Variants in DNAH9 observed in about 807,000 individuals in gnomAD.
DNAH9 encodes DNAH9 variant protein.
In DNAH9, 345 loss-of-function variants were observed where a neutral mutation model predicts 471.6. The ratio of observed to expected loss-of-function variants is 0.73; its 90% CI spans 0.67 to 0.80. The LOEUF (loss-of-function observed/expected upper bound fraction) is 0.80, where lower values mean the gene tolerates loss of function less well. DNAH9 is among the 30% of genes least tolerant of loss of function. The probability of loss-of-function intolerance (pLI) is 0.00; values close to 1 mark genes in which losing one functional copy is unlikely to be tolerated. For missense variants in DNAH9, 5,407 were observed against 5,609.2 expected (o/e 0.96, Z 1.15); for synonymous variants, 2,093 against 2,123.6 (o/e 0.99, Z 0.40).
At chr17:11,851,094 T>TTTGTTG (rs139118005) in intron 49 of DNAH9, among the ~76,000 whole-genome samples, 7,786 of 147,994 alleles carry the variant, frequency 0.053, 577 homozygotes, top group East Asian at 0.39. Flanking sequence ...TTGAGGTTGT[T>TTTGTTG]TTGTTGTTGT....
In DNAH9 at chr17:11,744,993, T is replaced by C. The variant is rs763880771; in HGVS notation, c.6308T>C (p.Val2103Ala). 2 of 1,613,932 alleles carry C rather than the reference T, an allele frequency of 1.2e-6. No individual in the cohort carries two copies. Among genetic ancestry groups the C allele is most frequent in the Non-Finnish European group, 1.7e-6 (2 of 1,179,944 alleles). ...GGGGACCTCTTTCCCGCCCTGGATG[T>C]CCCCCGGAGGAGAGACCCCAACTTC... ...LIGDLFPALD[V>A]PRRRDPNFEA... Residue 2103 changes from valine to alanine, a missense_variant, in exon 31 of 69, where the codon GTC becomes GCC. Coordinates refer to ENST00000262442, the MANE Select transcript of DNAH9 (RefSeq NM_001372.4).
intron 36 of DNAH9, among the ~76,000 whole-genome samples, chr17:11,764,437 A>G (rs1356677243): frequency 2.0e-5 from 3 of 152,232 alleles, no homozygotes. Flanking sequence ...TTGTTACTAT[A>G]GGAACTTTCC....
chr17:11,866,505 C>G (rs1221866380), intron 50 of DNAH9, among the ~76,000 whole-genome samples: 1 of 151,436 alleles, frequency 6.6e-6, no homozygotes, highest in African/African-American at 2.4e-5. Flanking sequence ...TGCCCGTTCT[C>G]AGATCTCCAG....
rs564822717 is a variant in DNAH9 at position 11,676,950 on chromosome 17, A to G, written c.3354-2807A>G. 2.0e-5 allele frequency among the ~76,000 whole-genome samples: 3 copies of G among 152,074 alleles called. No individual in the cohort carries two copies. The East Asian group carries it at 5.8e-4, about 29-fold the overall frequency. ...AATTTTTCAAATGTGAGACTTTTCT[A>G]GTTATAGTTTTTTATTAATTTCCAA... is the stretch of plus-strand genomic sequence containing the variant. On this transcript the variant is annotated intron_variant, in intron 17 of 68. Transcript: ENST00000262442.
In DNAH9 at chr17:11,756,669, T is replaced by C; in HGVS notation, c.6840T>C (p.Ser2280=). The change falls in exon 34 of 69, where the codon TCT becomes TCC. Residue 2280 remains serine, a synonymous_variant. Transcript: ENST00000262442. ...HLRTATPATV[S]RAGILYINPA... ...GCACAGCCACTCCAGCAACTGTCTC[T>C]AGAGCAGGTACGGCCCAAGAAGGGA... 1 of 1,600,978 alleles carries C rather than the reference T, an allele frequency of 6.2e-7. No homozygotes were observed. The highest frequency in any genetic ancestry group is 8.6e-7 in the Non-Finnish European group (1 of 1,168,080).
chr17:11,852,830 A>G (rs1175298087), intron 49 of DNAH9, among the ~76,000 whole-genome samples: 1,861 of 119,414 alleles, frequency 0.016, 131 homozygotes, highest in African/African-American at 0.068. Flanking sequence ...ATATATATAT[A>G]TATATATATA....
chr17:11,939,170 GCATACTTCGAGAAAGCTGCT>G (rs1974813774), intron 66 of DNAH9, among the ~76,000 whole-genome samples: 2 of 152,096 alleles, frequency 1.3e-5, no homozygotes, highest in African/African-American at 4.8e-5. Context: ...GATGAGGTGA[GCATACTTCGAGAAAGCTGCT>G]CCATATCACT....
intron 15 of DNAH9, 117 bp downstream of exon 15, chr17:11,665,085 C>T: frequency 3.4e-6 from 3 of 870,558 alleles, no homozygotes; most frequent in Non-Finnish European, 5.4e-6. Context: ...CGTTGTAGAC[C>T]TTTTGTGAAT....
chr17:11,862,928 A>G (rs886650905), intron 50 of DNAH9, among the ~76,000 whole-genome samples: 2 of 151,722 alleles, frequency 1.3e-5, no homozygotes, highest in African/African-American at 4.8e-5. Context: ...GGGCTGAGAC[A>G]ATGGGGTTTT....
At chr17:11,760,773 C>G (rs1350513372) in intron 35 of DNAH9, among the ~76,000 whole-genome samples, 1 of 152,188 alleles carries the variant, frequency 6.6e-6, no homozygotes, top group Non-Finnish European at 1.5e-5. Context: ...CCTCCTCGGC[C>G]TCCCAAAGTG....
chr17:11,644,666 A>G lies in DNAH9; in HGVS notation c.1937A>G (p.Gln646Arg), dbSNP rs1220646226. Reference protein sequence around the residue: ...MESAEGKRMQQKYEDMLSLLE... With the variant: ...MESAEGKRMQRKYEDMLSLLE... ...TCTGCAGAAGGAAAGCGAATGCAAC[A>G]AAAATATGAAGATATGCTGTCATTG... Residue 646 changes from glutamine to arginine, a missense_variant, in exon 11 of 69, where the codon CAA becomes CGA. Physicochemically the swap from Gln to Arg is conservative, Grantham distance 43 (BLOSUM62 1). Transcript: ENST00000262442. 1.2e-6 allele frequency: 2 copies of G among 1,613,186 alleles called. No individual in the cohort carries two copies. Among genetic ancestry groups the G allele is most frequent in the Non-Finnish European group, 1.7e-6 (2 of 1,179,500 alleles).
At position 11,886,900 on chromosome 17, in the gene DNAH9, T is replaced by A. The variant is rs780544938; in HGVS notation, c.11047T>A (p.Ser3683Thr). ...CTACCGGCCAGCAGCTGCCAGGGCCTCACTGCTCTACTTCATCATGAACGA... is the reference window on the plus strand; with the variant it reads ...CTACCGGCCAGCAGCTGCCAGGGCCACACTGCTCTACTTCATCATGAACGA... ...EHYRPAAARA[S>T]LLYFIMNDLS... Residue 3683 changes from serine to threonine, a missense_variant, in exon 57 of 69, where the codon TCA (serine) becomes ACA (threonine). Coordinates refer to ENST00000262442, the MANE Select transcript of DNAH9 (RefSeq NM_001372.4). 3 of 1,613,038 alleles carry A rather than the reference T, an allele frequency of 1.9e-6. No homozygotes were observed. The South Asian group carries it at 3.3e-5, about 18-fold the overall frequency.
In DNAH9 at chr17:11,680,802, A is replaced by C. The variant is rs1444518302; in HGVS notation, c.3656A>C (p.Glu1219Ala). 3 of 1,613,844 alleles carry C rather than the reference A, an allele frequency of 1.9e-6. No homozygotes were observed. The highest frequency in any genetic ancestry group is 1.7e-5 in the Admixed American group (1 of 59,972). ...CAGGTGGCCCCACTGCAGGCAAATG[A>C]AGTGACACTCCTCCGCCAGAGGTGC... ...KQQVAPLQAN[E>A]VTLLRQRCTA... The change falls in exon 19 of 69, where the codon GAA becomes GCA. Residue 1219 changes from glutamate (E) to alanine (A), a missense_variant. Transcript: ENST00000262442.
In DNAH9 at chr17:11,869,125, C is replaced by T. The variant is rs1972168477; in HGVS notation, c.9934-9C>T. 6.2e-7 allele frequency: 1 copy of T among 1,613,142 alleles called. No homozygotes were observed. The highest frequency in any genetic ancestry group is 8.5e-7 in the Non-Finnish European group (1 of 1,179,526). ...ATGACTGATGGTCCTTGTATTCCTT[C>T]CTAAACAGCACCTTAATGAAAACCT... On this transcript the variant is annotated splice_polypyrimidine_tract_variant and intron_variant, in intron 50 of 68. Transcript: ENST00000262442.
At chr17:11,703,210 G>A (rs982028119) in intron 24 of DNAH9, among the ~76,000 whole-genome samples, 6 of 152,086 alleles carry the variant, frequency 3.9e-5, no homozygotes, top group African/African-American at 1.4e-4. Context: ...AGAAGAAGAG[G>A]TGTTTATTAA....
At position 11,935,521 on chromosome 17, in the gene DNAH9, G is replaced by A. The variant is rs530600848; in HGVS notation, c.12489+1450G>A. Among the ~76,000 whole-genome samples, 218 of 151,736 alleles carry A rather than the reference G, an allele frequency of 1.4e-3. 1 individual carries two copies. Among genetic ancestry groups the A allele is most frequent in the Admixed American group, 1.7e-3 (26 of 15,228 alleles). On this transcript the variant is annotated intron_variant, in intron 65 of 68. Transcript: ENST00000262442. ...CTCCTGAGTAGCTGGGATTACAGGC[G>A]TGCGTCACCACGCCCAGCTAATTTT...
chr17:11,726,607 G>T (rs1039212185), intron 27 of DNAH9, among the ~76,000 whole-genome samples: 1 of 152,070 alleles, frequency 6.6e-6, no homozygotes, highest in Admixed American at 6.6e-5. Flanking sequence ...GACATTTGTG[G>T]TCTATATTAT....
chr17:11,824,390 G>C (rs577591651), intron 48 of DNAH9, among the ~76,000 whole-genome samples: 1 of 152,260 alleles, frequency 6.6e-6, no homozygotes, highest in Non-Finnish European at 1.5e-5. Flanking sequence ...TTAGTGGGAT[G>C]CAGTGAGCCC....
At chr17:11,860,898 G>A (rs1971821215) in intron 50 of DNAH9, among the ~76,000 whole-genome samples, 1 of 152,124 alleles carries the variant, frequency 6.6e-6, no homozygotes, top group Admixed American at 6.5e-5. Context: ...CTGGTGAGAA[G>A]TCTCGTGGAC....
Sources: gnomAD v4.1 joint callset for allele counts (sites outside exome capture counted in the v4.1 genomes callset) on GRCh38, gnomAD v4.1.1 for gene constraint, MANE v1.5 for transcripts, NCBI Gene and HGNC (gene_info 2026-07-23, HGNC 2026-07-21) for gene names.